Variants in CACNA1H observed in about 807,000 individuals in gnomAD.
CACNA1H encodes the protein calcium voltage-gated channel subunit alpha1 H, also known as voltage-dependent T-type calcium channel subunit alpha-1H.
CACNA1H carries 149 observed loss-of-function variants against 192.5 expected under a neutral mutation model. The ratio of observed to expected loss-of-function variants is 0.77; its 90% CI spans 0.68 to 0.89. CACNA1H has a LOEUF of 0.89. Ranked by LOEUF, CACNA1H falls within the 40% of genes least tolerant of loss-of-function variation. The pLI is 0.00. For synonymous variants in CACNA1H, 2,202 were observed against 1,475.2 expected (o/e 1.49, Z -11.29); for missense variants, 4,257 against 3,423.5 (o/e 1.24, Z -6.08).
At chr16:1,161,824 C>T (rs1963229717) in intron 2 of CACNA1H, among the ~76,000 whole-genome samples, 1 of 152,202 alleles carries the variant, frequency 6.6e-6, no homozygotes, top group African/African-American at 2.4e-5. Flanking sequence ...GTGAGCAGCA[C>T]CCGGACCTCC....
chr16:1,186,903 G>A (rs991036297), intron 2 of CACNA1H, among the ~76,000 whole-genome samples: 5 of 152,316 alleles, frequency 3.3e-5, no homozygotes, highest in South Asian at 2.1e-4. Flanking sequence ...TGGAGCTGCC[G>A]CGGTTCTGAG....
chr16:1,198,985 C>G, intron 6 of CACNA1H: 1 of 562,702 alleles, frequency 1.8e-6, no homozygotes, highest in Non-Finnish European at 3.2e-6. Flanking sequence ...GTCACCGCCC[C>G]ACATGGCTCC....
chr16:1,177,022 C>A (rs897144489), intron 2 of CACNA1H, among the ~76,000 whole-genome samples: 1 of 152,150 alleles, frequency 6.6e-6, no homozygotes, highest in South Asian at 2.1e-4. Flanking sequence ...TCACTCCCTC[C>A]CCCCAGGAGC....
At position 1,210,180 on chromosome 16, in the gene CACNA1H, C is replaced by T. The variant is rs958434299; in HGVS notation, c.3845+45C>T. The T allele has an allele frequency of 1.4e-5, 20 of 1,463,792 alleles. No individual in the cohort carries two copies. In the African/African-American group the frequency reaches 1.5e-4, roughly 11 times the overall value. The allele number at this position is 1,463,792 out of a possible 1,614,324, so 90.7% of individuals were successfully genotyped here. ...AGGCTGCATGGCTAGTTCCACCCCA[C>T]GGGACCCCCGCCCCCAGGTCCCTCC... On this transcript the variant is annotated intron_variant, in intron 18 of 34. Transcript: ENST00000348261.
At chr16:1,183,846 T>C (rs1247593913) in intron 2 of CACNA1H, among the ~76,000 whole-genome samples, 1 of 152,216 alleles carries the variant, frequency 6.6e-6, no homozygotes, top group Admixed American at 6.5e-5. Flanking sequence ...GACTCCAAAG[T>C]CTGCAAACAT....
intron 2 of CACNA1H, among the ~76,000 whole-genome samples, chr16:1,163,492 C>T (rs1963436438): frequency 6.6e-6 from 1 of 152,206 alleles, no homozygotes; most frequent in Admixed American, 6.5e-5. Flanking sequence ...AGGGGAAACC[C>T]GTGTCCAGAT....
intron 2 of CACNA1H, among the ~76,000 whole-genome samples, chr16:1,186,245 C>G (rs912973602): frequency 6.6e-5 from 10 of 151,798 alleles, no homozygotes; most frequent in Non-Finnish European, 1.5e-4. Context: ...GAGCCTGTTT[C>G]CTTAGTGGTG....
At chr16:1,161,049 A>C (rs1481406174) in intron 2 of CACNA1H, among the ~76,000 whole-genome samples, 1 of 152,136 alleles carries the variant, frequency 6.6e-6, no homozygotes, top group Non-Finnish European at 1.5e-5. Context: ...CTGACCCCCA[A>C]GGTGTGTAGA....
intron 2 of CACNA1H, among the ~76,000 whole-genome samples, chr16:1,185,161 C>T (rs1358052881): frequency 3.3e-5 from 5 of 152,206 alleles, no homozygotes; most frequent in Non-Finnish European, 7.3e-5. Context: ...CCGGGTTCAC[C>T]TGTGTTGTGG....
At chr16:1,192,496 C>G (rs922508485) in intron 2 of CACNA1H, among the ~76,000 whole-genome samples, 4 of 152,234 alleles carry the variant, frequency 2.6e-5, no homozygotes, top group African/African-American at 9.6e-5. Flanking sequence ...CCATTGGGCC[C>G]TCCGCCTCAG....
At position 1,164,418 on chromosome 16, in the gene CACNA1H, G is replaced by A. The variant is rs75314357; in HGVS notation, c.299+10382G>A. Reference sequence around the variant, plus strand: ...TGCAGTCACCCCTCACTGCCACCTCGATCTCCTGGTTCAGGTGACCCTCCT... The same window carrying A: ...TGCAGTCACCCCTCACTGCCACCTCAATCTCCTGGTTCAGGTGACCCTCCT... On this transcript the variant is annotated intron_variant, in intron 2 of 34. Coordinates refer to ENST00000348261, the MANE Select transcript of CACNA1H (RefSeq NM_021098.3). 5.0e-3 allele frequency among the ~76,000 whole-genome samples: 754 copies of A among 152,172 alleles called. 10 individuals are homozygous for A. The highest frequency in any genetic ancestry group is 0.017 in the African/African-American group (715 of 41,522).
chr16:1,196,265 C>T (rs1288032033), intron 5 of CACNA1H, among the ~76,000 whole-genome samples: 2 of 152,266 alleles, frequency 1.3e-5, no homozygotes, highest in Non-Finnish European at 2.9e-5. Context: ...ACCTGGCTCC[C>T]ACACAGCCGA....
chr16:1,168,133 G>A (rs988738265), intron 2 of CACNA1H, among the ~76,000 whole-genome samples: 8 of 152,070 alleles, frequency 5.3e-5, no homozygotes, highest in African/African-American at 7.2e-5. Flanking sequence ...GCACGGTGGC[G>A]GGAGACCAGG....
chr16:1,194,199 G>A (rs1317538605), intron 2 of CACNA1H, among the ~76,000 whole-genome samples: 2 of 152,090 alleles, frequency 1.3e-5, no homozygotes, highest in African/African-American at 4.8e-5. Flanking sequence ...TGAATCAGCT[G>A]TGAGAGGATG....
rs776271153 is a variant in CACNA1H, at chr16:1,217,022, C to T, written c.5323+12C>T. The T allele has an allele frequency of 4.1e-5, 64 of 1,576,902 alleles. No individual in the cohort carries two copies. Among genetic ancestry groups the T allele is most frequent in the Non-Finnish European group, 5.3e-5 (62 of 1,160,814 alleles). On this transcript the variant is annotated intron_variant, in intron 31 of 34. Coordinates refer to ENST00000348261, the MANE Select transcript of CACNA1H (RefSeq NM_021098.3). Reference sequence around the variant, plus strand: ...GTTCGGGAGGCTGGGTGAGTGGCTCCTGCGCCCTCCTCCTGGCACACATGG... The same window carrying T: ...GTTCGGGAGGCTGGGTGAGTGGCTCTTGCGCCCTCCTCCTGGCACACATGG...
chr16:1,205,068 G>A, intron 10 of CACNA1H, 46 bp from the exon 11 acceptor site: 1 of 1,551,546 alleles, frequency 6.4e-7, no homozygotes, highest in Non-Finnish European at 8.7e-7. Flanking sequence ...TGAGGGGTGG[G>A]AGCCGCGGGT....
intron 2 of CACNA1H, among the ~76,000 whole-genome samples, chr16:1,190,964 CAGGCACACTCGGGGTTTCGG>C (rs1480678077): frequency 2.0e-5 from 3 of 147,564 alleles, no homozygotes; most frequent in Admixed American, 6.7e-5. Context: ...TGTGTGGCCT[CAGGCACACTCGGGGTTTCGG>C]TGACCCAGCA....
chr16:1,210,918 G>T lies in CACNA1H; in HGVS notation c.4170G>T (p.Lys1390Asn). 6.2e-7 allele frequency: 1 copy of T among 1,603,054 alleles called. No homozygotes were observed. ...VVAMASAGGA[K>N]ILGVLRVLRL... ...CCATGGCCTCGGCTGGTGGCGCCAA[G>T]ATCCTGGGTGTTCTGCGCGTGCTGC... The change falls in exon 21 of 35, where the codon AAG (lysine) becomes AAT (asparagine). Residue 1390 changes from lysine to asparagine, a missense_variant. Transcript: ENST00000348261.
Position 1,207,405 on chromosome 16 carries a change from T to A in CACNA1H, c.3038T>A (p.Ile1013Asn). 6.2e-7 allele frequency: 1 copy of A among 1,613,056 alleles called. No homozygotes were observed. The highest frequency in any genetic ancestry group is 8.5e-7 in the Non-Finnish European group (1 of 1,179,782). Reference protein sequence around the residue: ...NYVLFNLLVAILVEGFQAEGD... With the variant: ...NYVLFNLLVANLVEGFQAEGD... ...GTGCTCTTCAACCTGCTGGTGGCCA[T>A]CCTCGTGGAGGGCTTCCAGGCGGAG... Residue 1013 changes from isoleucine to asparagine, a missense_variant, in exon 14 of 35, where the codon ATC becomes AAC. Physicochemically the swap from Ile to Asn is moderately radical, Grantham distance 149. Coordinates refer to ENST00000348261, the MANE Select transcript of CACNA1H (RefSeq NM_021098.3).
Sources: allele counts gnomAD v4.1 joint callset (sites outside exome capture counted in the v4.1 genomes callset), GRCh38; gene constraint gnomAD v4.1.1; transcripts MANE v1.5; gene names NCBI Gene and HGNC (gene_info 2026-07-23, HGNC 2026-07-21).